Variants in ANKRD13C observed in about 807,000 individuals in gnomAD.
The protein encoded by ANKRD13C is ankyrin repeat domain 13C.
In ANKRD13C, 16 loss-of-function variants were observed where a neutral mutation model predicts 65.5. The ratio of observed to expected loss-of-function variants is 0.24; its 90% CI spans 0.17 to 0.37. The LOEUF is 0.37. Among genes scored for constraint, ANKRD13C ranks in the 10% least tolerant of loss-of-function variants. ANKRD13C has a pLI of 1.00. For synonymous variants in ANKRD13C, 235 were observed against 238.7 expected (o/e 0.98, Z 0.14); for missense variants, 503 against 655.9 (o/e 0.77, Z 2.55).
rs1311300073 is a variant in ANKRD13C, at chr1:70,306,278, GAAAGT to G, written c.717_721del (p.Leu239PhefsTer10). 1 of 1,574,996 alleles carries G rather than the reference GAAAGT, an allele frequency of 6.3e-7. No homozygotes were observed. Among genetic ancestry groups the G allele is most frequent in the Admixed American group, 1.7e-5 (1 of 57,854 alleles). On this transcript the variant is annotated frameshift_variant, in exon 6 of 13. Transcript: ENST00000370944. LOFTEE classifies it high-confidence loss of function. ...ACATGCATCGGAAGGCAGAATTCGG[GAAAGT>G]AAAGGCACTGTATTTTTAAAAACAA... is the stretch of plus-strand genomic sequence containing the variant.
intron 1 of ANKRD13C, among the ~76,000 whole-genome samples, chr1:70,348,261 T>A (rs893907258): frequency 6.6e-6 from 1 of 151,922 alleles, no homozygotes; most frequent in African/African-American, 2.4e-5. Context: ...GATTATCCTA[T>A]CTTCTCAATC....
At chr1:70,266,970 A>G (rs1210442682) in intron 12 of ANKRD13C, among the ~76,000 whole-genome samples, 1 of 152,114 alleles carries the variant, frequency 6.6e-6, no homozygotes, top group Non-Finnish European at 1.5e-5. Flanking sequence ...GATGTTGTTG[A>G]TCTACATCCT....
At chr1:70,349,406 T>C (rs2101639471) in intron 1 of ANKRD13C, among the ~76,000 whole-genome samples, 2 of 152,124 alleles carry the variant, frequency 1.3e-5, no homozygotes, top group South Asian at 4.1e-4. Flanking sequence ...GAATACAACA[T>C]ATACATGATT....
chr1:70,279,499 A>AATTTTTTTT (rs1679288200), intron 9 of ANKRD13C, among the ~76,000 whole-genome samples: 1 of 125,336 alleles, frequency 8.0e-6, no homozygotes, highest in Non-Finnish European at 1.7e-5. Context: ...ATTTTGAGCT[A>AATTTTTTTT]CTTTTTTTTT....
intron 3 of ANKRD13C, among the ~76,000 whole-genome samples, chr1:70,317,995 C>T (rs1054710973): frequency 2.6e-5 from 4 of 152,148 alleles, no homozygotes; most frequent in East Asian, 1.9e-4. Flanking sequence ...CAATAAATAA[C>T]GACCAAACAT....
chr1:70,354,251 A>T lies in ANKRD13C; in HGVS notation c.158T>A (p.Ile53Asn). 1 of 1,613,566 alleles carries T rather than the reference A, an allele frequency of 6.2e-7. No homozygotes were observed. Among genetic ancestry groups the T allele is most frequent in the Non-Finnish European group, 8.5e-7 (1 of 1,180,014 alleles). Reference protein sequence around the residue: ...IGKGGKACHKIFSNHHHRLQL... With the variant: ...IGKGGKACHKNFSNHHHRLQL... ...TAGCCGGTGGTGATGGTTACTGAAGATCTTATGACAAGCTTTGCCGCCCTT... is the reference window on the plus strand; with the variant it reads ...TAGCCGGTGGTGATGGTTACTGAAGTTCTTATGACAAGCTTTGCCGCCCTT... The change falls in exon 1 of 13, where the codon ATC (isoleucine) becomes AAC (asparagine). Residue 53 changes from isoleucine to asparagine, a missense_variant. Coordinates refer to ENST00000370944, the MANE Select transcript of ANKRD13C (RefSeq NM_030816.5).
At chr1:70,296,646 A>T (rs1272035032) in intron 7 of ANKRD13C, among the ~76,000 whole-genome samples, 2 of 152,212 alleles carry the variant, frequency 1.3e-5, no homozygotes, top group African/African-American at 4.8e-5. Flanking sequence ...CAGATAAAGG[A>T]TATTTTTCTT....
chr1:70,302,514 C>T (rs2101361825), intron 6 of ANKRD13C, among the ~76,000 whole-genome samples: 1 of 111,254 alleles, frequency 9.0e-6, no homozygotes, highest in Non-Finnish European at 1.8e-5. Flanking sequence ...ATCACGAGGT[C>T]AGGAGATCGA....
intron 11 of ANKRD13C, among the ~76,000 whole-genome samples, chr1:70,271,176 A>C (rs893316477): frequency 1.3e-5 from 2 of 152,204 alleles, no homozygotes; most frequent in Non-Finnish European, 2.9e-5. Context: ...TTTTAGGTCC[A>C]TATTTAGATG....
intron 5 of ANKRD13C, among the ~76,000 whole-genome samples, chr1:70,307,204 T>C (rs1357717206): frequency 1.3e-5 from 2 of 152,220 alleles, no homozygotes; most frequent in Non-Finnish European, 2.9e-5. Flanking sequence ...GTTAACTTTT[T>C]CAAAAGCATC....
intron 5 of ANKRD13C, among the ~76,000 whole-genome samples, chr1:70,310,361 G>A (rs1268540401): frequency 6.6e-6 from 1 of 152,130 alleles, no homozygotes; most frequent in Non-Finnish European, 1.5e-5. Flanking sequence ...AAAAGATCTA[G>A]GCTATCTATA....
At chr1:70,300,681 A>G in intron 7 of ANKRD13C, 83 bp downstream of exon 7, 8 of 1,321,588 alleles carry the variant, frequency 6.1e-6, no homozygotes, top group Non-Finnish European at 8.0e-6. Context: ...TAAGCTTTTA[A>G]GCAAATTATA....
chr1:70,287,316 T>G (rs1211763117), intron 9 of ANKRD13C, among the ~76,000 whole-genome samples: 1 of 151,650 alleles, frequency 6.6e-6, no homozygotes, highest in Non-Finnish European at 1.5e-5. Context: ...TATACAAATC[T>G]CAGCAGGCAA....
intron 9 of ANKRD13C, among the ~76,000 whole-genome samples, chr1:70,279,982 G>A (rs1262657059): frequency 6.6e-6 from 1 of 152,126 alleles, no homozygotes; most frequent in Non-Finnish European, 1.5e-5. Flanking sequence ...AGAAAAGACT[G>A]TTTCAATATC....
intron 1 of ANKRD13C, among the ~76,000 whole-genome samples, chr1:70,338,244 T>C (rs185979020): frequency 6.6e-6 from 1 of 152,156 alleles, no homozygotes; most frequent in Non-Finnish European, 1.5e-5. Flanking sequence ...CACAAACAAC[T>C]GTATGTCGGC....
intron 9 of ANKRD13C, among the ~76,000 whole-genome samples, chr1:70,277,972 G>C (rs185672861): frequency 5.8e-4 from 88 of 151,542 alleles, no homozygotes; most frequent in Non-Finnish European, 1.1e-3. Context: ...AGAATCACTT[G>C]AGCCCATGAG....
Position 70,297,112 on chromosome 1 carries a change from G to A in ANKRD13C, c.922-851C>T, listed in dbSNP as rs542825172. On this transcript the variant is annotated intron_variant, in intron 7 of 12. Coordinates refer to ENST00000370944, the MANE Select transcript of ANKRD13C (RefSeq NM_030816.5). Reference sequence around the variant, plus strand: ...AGATACCCTAACTAATATTTAAGACGTTATAAGGAAGAAAAAAGGCAAAAC... The same window carrying A: ...AGATACCCTAACTAATATTTAAGACATTATAAGGAAGAAAAAAGGCAAAAC... Among the ~76,000 whole-genome samples, 9 of 151,898 alleles carry A rather than the reference G, an allele frequency of 5.9e-5. No homozygotes were observed. The East Asian group carries it at 1.2e-3, about 20-fold the overall frequency.
chr1:70,285,415 G>A lies in ANKRD13C; in HGVS notation c.1215+6973C>T, dbSNP rs576709814. On this transcript the variant is annotated intron_variant, in intron 9 of 12. Coordinates refer to ENST00000370944, the MANE Select transcript of ANKRD13C (RefSeq NM_030816.5). The stretch of plus-strand genomic sequence containing the variant: ...TCACCACGTTGGCCAGGCTGGTCTC[G>A]AATTCCTGACCTCAAGTGATCCGGT... 7.2e-5 allele frequency among the ~76,000 whole-genome samples: 11 copies of A among 151,838 alleles called. No homozygotes were observed. In the South Asian group the frequency reaches 8.3e-4, roughly 11 times the overall value.
rs1190201652 is a variant in ANKRD13C, at chr1:70,260,293, A to G, written c.*2424T>C. 6.6e-6 allele frequency among the ~76,000 whole-genome samples: 1 copy of G among 152,150 alleles called. No homozygotes were observed. The highest frequency in any genetic ancestry group is 2.4e-5 in the African/African-American group (1 of 41,444). On this transcript the variant is annotated 3_prime_UTR_variant, in exon 13 of 13. Transcript: ENST00000370944. ...CAGAGGGCAAATTGTCTCATCAGAG[A>G]ATTATTTTCTCAAAGATGGAAACCA...
Sources: allele counts gnomAD v4.1 joint callset (sites outside exome capture counted in the v4.1 genomes callset), GRCh38; gene constraint gnomAD v4.1.1; transcripts MANE v1.5; gene names NCBI Gene and HGNC (gene_info 2026-07-23, HGNC 2026-07-21).